Variants in GFOD1 observed in about 807,000 individuals in gnomAD.
GFOD1 encodes the protein glucose-fructose oxidoreductase domain-containing protein 1.
GFOD1 carries 9 observed loss-of-function variants against 25.4 expected under a neutral mutation model. The observed-to-expected ratio is 0.35, with a 90% CI of 0.21 to 0.62. The LOEUF (loss-of-function observed/expected upper bound fraction) is 0.62, where lower values mean the gene tolerates loss of function less well. Ranked by LOEUF, GFOD1 falls within the 20% of genes least tolerant of loss-of-function variation. The pLI is 0.72. For missense variants in GFOD1, 403 were observed against 556.9 expected, an observed-to-expected ratio of 0.72 and a Z score of 2.78; for synonymous variants, 253 against 245.6, an observed-to-expected ratio of 1.03 and a Z score of -0.28.
Position 13,358,361 on chromosome 6 carries a change from A to C in GFOD1, c.*6382T>G, listed in dbSNP as rs1352147862. On this transcript the variant is annotated 3_prime_UTR_variant, in exon 2 of 2. Coordinates refer to ENST00000379287, the MANE Select transcript of GFOD1 (RefSeq NM_018988.4). ...ATACTCATGTTTGTAAAACACAATAAATATATACTCGACAATGACAGCCAA... is the reference window on the plus strand; with the variant it reads ...ATACTCATGTTTGTAAAACACAATACATATATACTCGACAATGACAGCCAA... The C allele has an allele frequency of 3.3e-5, 5 of 152,112 alleles. No homozygotes were observed. Among genetic ancestry groups the C allele is most frequent in the African/African-American group, 1.2e-4 (5 of 41,412 alleles). 9.4% of individuals were successfully genotyped at this position (152,112 alleles called of 1,614,324 possible).
At chr6:13,450,651 G>A (rs1218920313) in intron 1 of GFOD1, among the ~76,000 whole-genome samples, 1 of 152,180 alleles carries the variant, frequency 6.6e-6, no homozygotes, top group East Asian at 1.9e-4. Context: ...AAGTTCGGTA[G>A]AAACTCATCA....
intron 1 of GFOD1, among the ~76,000 whole-genome samples, chr6:13,455,043 G>T (rs1339031419): frequency 6.6e-6 from 1 of 152,142 alleles, no homozygotes; most frequent in Non-Finnish European, 1.5e-5. Context: ...AGAGTTTAGG[G>T]TTTCGTCATC....
intron 1 of GFOD1, 62 bp downstream of exon 1, chr6:13,486,576 G>A (rs946460039): frequency 1.5e-6 from 2 of 1,376,678 alleles, no homozygotes; most frequent in African/African-American, 2.8e-5. Context: ...CAGGGGGGAA[G>A]GAACCTAGAG....
intron 1 of GFOD1, among the ~76,000 whole-genome samples, chr6:13,393,537 G>C (rs114342764): frequency 6.6e-6 from 1 of 151,956 alleles, no homozygotes; most frequent in African/African-American, 2.4e-5. Context: ...TCTCCATCAC[G>C]GTACCATAAC....
rs1430833882 is a variant in GFOD1, at chr6:13,365,281, A to G, written c.635T>C (p.Ile212Thr). ...FVKQTDHIKGIRQITSDDFCT... is the reference protein window; with the variant it reads ...FVKQTDHIKGTRQITSDDFCT... Reference sequence around the variant, plus strand: ...GAAGTCATCGCTGGTGATCTGTCGGATGCCCTTGATGTGGTCAGTCTGCTT... The same window carrying G: ...GAAGTCATCGCTGGTGATCTGTCGGGTGCCCTTGATGTGGTCAGTCTGCTT... The change falls in exon 2 of 2, where the codon ATC becomes ACC. Residue 212 changes from isoleucine to threonine, a missense_variant. Ile to Thr is a moderately conservative substitution (Grantham distance 89). Coordinates refer to ENST00000379287, the MANE Select transcript of GFOD1 (RefSeq NM_018988.4). This position sits in a 1 kb window ranked among gnomAD's most constrained non-coding sequence, Gnocchi z 9.2. The G allele has an allele frequency of 6.2e-7, 1 of 1,614,180 alleles. No homozygotes were observed. The highest frequency in any genetic ancestry group is 2.2e-5 in the East Asian group (1 of 44,872).
intron 1 of GFOD1, among the ~76,000 whole-genome samples, chr6:13,454,204 C>A (rs555668348): frequency 6.6e-6 from 1 of 152,298 alleles, no homozygotes; most frequent in East Asian, 1.9e-4. Flanking sequence ...CTGGAACAGA[C>A]TCCCTCACAG....
At chr6:13,479,316 T>G (rs1209579489) in intron 1 of GFOD1, among the ~76,000 whole-genome samples, 1 of 152,162 alleles carries the variant, frequency 6.6e-6, no homozygotes, top group Non-Finnish European at 1.5e-5. Context: ...TCCCTCTCAT[T>G]TTACTTATCA....
chr6:13,449,746 G>A (rs190586137), intron 1 of GFOD1, among the ~76,000 whole-genome samples: 89 of 152,282 alleles, frequency 5.8e-4, no homozygotes, highest in Non-Finnish European at 8.7e-4. Flanking sequence ...CATGTAAGAT[G>A]TGCCTTTTGC....
chr6:13,384,846 A>G (rs1404280003), intron 1 of GFOD1, among the ~76,000 whole-genome samples: 1 of 152,232 alleles, frequency 6.6e-6, no homozygotes, highest in African/African-American at 2.4e-5. Context: ...AAATTTAGGT[A>G]TAAATCAGTT....
At position 13,364,897 on chromosome 6, in the gene GFOD1, C is replaced by A. The variant is rs1440246864; in HGVS notation, c.1019G>T (p.Cys340Phe). 22 of 1,613,758 alleles carry A rather than the reference C, an allele frequency of 1.4e-5. No individual in the cohort carries two copies. Among genetic ancestry groups the A allele is most frequent in the Non-Finnish European group, 1.9e-5 (22 of 1,180,034 alleles). ...GTCCACCACGCACAAGGCATACAGG[C>A]AGTCGTCGAAGGTGGCGGCCATGGT... is the stretch of plus-strand genomic sequence containing the variant. ...PLTMAATFDD[C>F]LYALCVVDTI... is the part of the protein sequence containing the mutation. The change falls in exon 2 of 2, where the codon TGC becomes TTC. Residue 340 changes from cysteine to phenylalanine, a missense_variant. Coordinates refer to ENST00000379287, the MANE Select transcript of GFOD1 (RefSeq NM_018988.4). The surrounding 1 kb of genome is among the most constrained non-coding windows in gnomAD (Gnocchi z 4.1).
In GFOD1 at chr6:13,486,730, C is replaced by T. The variant is rs758328175; in HGVS notation, c.161G>A (p.Arg54His). 4 of 1,614,106 alleles carry T rather than the reference C, an allele frequency of 2.5e-6. No homozygotes were observed. The highest frequency in any genetic ancestry group is 3.4e-6 in the Non-Finnish European group (4 of 1,179,982). The change falls in exon 1 of 2, where the codon CGC becomes CAC. Residue 54 changes from arginine (R) to histidine (H), a missense_variant. Coordinates refer to ENST00000379287, the MANE Select transcript of GFOD1 (RefSeq NM_018988.4). ...KEMSVPFYTS[R>H]IDEVLLHQDV... Reference sequence around the variant, plus strand: ...CTGATGCAGCAGCACCTCATCAATGCGGCTAGTGTAGAAGGGGACACTCAT... The same window carrying T: ...CTGATGCAGCAGCACCTCATCAATGTGGCTAGTGTAGAAGGGGACACTCAT...
chr6:13,365,022 G>A lies in GFOD1; in HGVS notation c.894C>T (p.Ile298=). 1 of 1,610,290 alleles carries A rather than the reference G, an allele frequency of 6.2e-7. No individual in the cohort carries two copies. The highest frequency in any genetic ancestry group is 2.2e-5 in the East Asian group (1 of 44,868). Residue 298 remains isoleucine, a synonymous_variant, in exon 2 of 2, where the codon ATC becomes ATT. Coordinates refer to ENST00000379287, the MANE Select transcript of GFOD1 (RefSeq NM_018988.4). The surrounding 1 kb of genome is among the most constrained non-coding windows in gnomAD (Gnocchi z 9.2). The part of the protein sequence containing the change: ...SLLPEKAFSD[I]PSPYLRGTIK... ...TGGTGCCGCGCAGGTAGGGCGAGGG[G>A]ATGTCGCTGAAGGCCTTCTCCGGAA...
chr6:13,417,422 G>C (rs866953022), intron 1 of GFOD1, among the ~76,000 whole-genome samples: 11 of 152,198 alleles, frequency 7.2e-5, no homozygotes, highest in Non-Finnish European at 1.3e-4. Flanking sequence ...CAAAGTGCTG[G>C]GATTACAGGC....
intron 1 of GFOD1, among the ~76,000 whole-genome samples, chr6:13,454,834 G>A (rs947159175): frequency 5.9e-5 from 9 of 152,194 alleles, no homozygotes; most frequent in African/African-American, 1.4e-4. Flanking sequence ...AAGAGGGGGA[G>A]AGAGGTGGCC....
chr6:13,385,965 C>T (rs1210862350), intron 1 of GFOD1, among the ~76,000 whole-genome samples: 1 of 152,124 alleles, frequency 6.6e-6, no homozygotes. Context: ...GATTTCCTTT[C>T]ACTCCGTCTT....
intron 1 of GFOD1, among the ~76,000 whole-genome samples, chr6:13,384,171 A>G (rs1344154208): frequency 1.3e-5 from 2 of 152,246 alleles, no homozygotes; most frequent in East Asian, 3.8e-4. Context: ...GGTTGCAGTG[A>G]GCCGAGATCA....
At position 13,365,192 on chromosome 6, in the gene GFOD1, G is replaced by C; in HGVS notation, c.724C>G (p.Pro242Ala). 1 of 1,613,978 alleles carries C rather than the reference G, an allele frequency of 6.2e-7. No homozygotes were observed. The highest frequency in any genetic ancestry group is 2.2e-5 in the East Asian group (1 of 44,868). Residue 242 changes from proline to alanine, a missense_variant, in exon 2 of 2, where the codon CCC becomes GCC. By Grantham distance (27) the Pro-to-Ala change is conservative. Coordinates refer to ENST00000379287, the MANE Select transcript of GFOD1 (RefSeq NM_018988.4). The surrounding 1 kb of genome is among the most constrained non-coding windows in gnomAD (Gnocchi z 9.2). ...GTGACATCCTGCTTGAACTCGCCGG[G>C]CACGTTGAAGTTGAGGGTGACGGTG... is the stretch of plus-strand genomic sequence containing the variant. ...CCTVTLNFNVPGEFKQDVTVV... is the reference protein window; with the variant it reads ...CCTVTLNFNVAGEFKQDVTVV...
At chr6:13,399,122 C>A (rs761993615) in intron 1 of GFOD1, among the ~76,000 whole-genome samples, 2 of 152,116 alleles carry the variant, frequency 1.3e-5, no homozygotes, top group African/African-American at 4.8e-5. Context: ...TCAGGTGATT[C>A]TCTCACCTCA....
intron 1 of GFOD1, among the ~76,000 whole-genome samples, chr6:13,385,177 G>T (rs2127559636): frequency 6.6e-6 from 1 of 152,242 alleles, no homozygotes; most frequent in South Asian, 2.1e-4. Flanking sequence ...CCAATACTGG[G>T]GCCAGCAGAG....
Sources: gnomAD v4.1 joint callset for allele counts (sites outside exome capture counted in the v4.1 genomes callset) on GRCh38, gnomAD v4.1.1 for gene constraint, Gnocchi (gnomAD v3.1) non-coding constraint, MANE v1.5 for transcripts, NCBI Gene and HGNC (gene_info 2026-07-23, HGNC 2026-07-21) for gene names.